Variants in TENM2 observed in about 807,000 individuals in gnomAD.
TENM2 encodes the protein teneurin transmembrane protein 2.
TENM2 carries 52 observed loss-of-function variants against 245.2 expected under a neutral mutation model. That is an observed-to-expected ratio of 0.21 (90% CI 0.17 to 0.27). TENM2 has a LOEUF of 0.27. TENM2 is among the 10% of genes least tolerant of loss of function. The pLI, the probability that TENM2 is intolerant of heterozygous loss-of-function variation, is 1.00. For missense variants in TENM2, 3,046 were observed against 3,666.8 expected (o/e 0.83, Z 4.37); for synonymous variants, 1,363 against 1,438.9 (o/e 0.95, Z 1.19).
chr5:167,227,926 C>T, the TENM2 span, among the ~76,000 whole-genome samples: 1 of 152,168 alleles, frequency 6.6e-6, no homozygotes, highest in Non-Finnish European at 1.5e-5. Flanking sequence ...CCATATGTCA[C>T]AAAATCTTTG....
chr5:167,924,358 G>A (rs563982185), intron 3 of TENM2, among the ~76,000 whole-genome samples: 12 of 152,338 alleles, frequency 7.9e-5, no homozygotes, highest in African/African-American at 2.9e-4. Context: ...ATTCAGGCGA[G>A]TCAATAGGAT....
intron 2 of TENM2, among the ~76,000 whole-genome samples, chr5:167,869,753 A>T (rs1308476827): frequency 6.6e-6 from 1 of 152,178 alleles, no homozygotes; most frequent in African/African-American, 2.4e-5. Flanking sequence ...AAAGCTGCAC[A>T]TGCAGAACTA....
At chr5:167,346,661 G>T (rs1758474005) in intron 1 of TENM2, among the ~76,000 whole-genome samples, 1 of 152,196 alleles carries the variant, frequency 6.6e-6, no homozygotes, top group African/African-American at 2.4e-5. Flanking sequence ...CAGTTTCATG[G>T]ATGCTGGCAG....
intron 2 of TENM2, among the ~76,000 whole-genome samples, chr5:167,470,476 T>TTTG (rs1766952080): frequency 6.9e-6 from 1 of 144,634 alleles, no homozygotes; most frequent in African/African-American, 2.5e-5. Context: ...TTTTTTTTTT[T>TTTG]GCTTATGGAA....
At position 167,827,480 on chromosome 5, in the gene TENM2, G is replaced by A. The variant is rs541786381; in HGVS notation, c.503-48506G>A. Among the ~76,000 whole-genome samples the A allele has an allele frequency of 2.1e-3, 314 of 152,034 alleles. 1 individual carries two copies. The highest frequency in any genetic ancestry group is 7.0e-3 in the African/African-American group (291 of 41,426). On this transcript the variant is annotated intron_variant, in intron 2 of 28. Coordinates refer to ENST00000518659, the Ensembl canonical transcript of TENM2. ...ATTCAGAACAGAGAATGTATTCTGG[G>A]TACTAAATTACCATAGGAATTAATG...
intron 3 of TENM2, among the ~76,000 whole-genome samples, chr5:167,885,407 C>T (rs913850265): frequency 1.3e-5 from 2 of 152,126 alleles, no homozygotes; most frequent in Non-Finnish European, 2.9e-5. Context: ...TGAAAAGCAG[C>T]TCTTGATTCT....
chr5:168,143,264 C>CTT (rs35494533), intron 12 of TENM2, among the ~76,000 whole-genome samples: 33 of 144,478 alleles, frequency 2.3e-4, no homozygotes, highest in East Asian at 8.0e-4. Context: ...AAGTCTTACT[C>CTT]TTTTTTTTTT....
the TENM2 span, among the ~76,000 whole-genome samples, chr5:167,206,764 C>T: frequency 6.6e-6 from 1 of 151,868 alleles, no homozygotes; most frequent in Non-Finnish European, 1.5e-5. Context: ...TAAATGTCTC[C>T]CATGTTTATC....
the TENM2 span, among the ~76,000 whole-genome samples, chr5:167,201,915 C>T: frequency 6.6e-6 from 1 of 152,112 alleles, no homozygotes; most frequent in Non-Finnish European, 1.5e-5. Flanking sequence ...CCTGGAGACC[C>T]TGCTTTCAGA....
chr5:168,091,732 C>G (rs1457397886), intron 8 of TENM2, among the ~76,000 whole-genome samples: 2 of 152,164 alleles, frequency 1.3e-5, no homozygotes, highest in Non-Finnish European at 2.9e-5. Flanking sequence ...TGTCCACTGC[C>G]CTTGTACAAC....
chr5:167,833,857 T>G (rs1320287166), intron 2 of TENM2, among the ~76,000 whole-genome samples: 1 of 152,214 alleles, frequency 6.6e-6, no homozygotes, highest in East Asian at 1.9e-4. Flanking sequence ...GATGATATTC[T>G]ACTTATGACC....
chr5:167,276,149 A>G, the TENM2 span, among the ~76,000 whole-genome samples: 1 of 151,856 alleles, frequency 6.6e-6, no homozygotes, highest in East Asian at 1.9e-4. Context: ...ATTGGTCTTT[A>G]GCTTTCTTTT....
At chr5:167,530,284 A>G (rs116311272) in intron 2 of TENM2, among the ~76,000 whole-genome samples, 2,628 of 152,332 alleles carry the variant, frequency 0.017, 94 homozygotes, top group African/African-American at 0.06. Flanking sequence ...GAAGGAATAC[A>G]GTTTTAAAAA....
intron 12 of TENM2, among the ~76,000 whole-genome samples, chr5:168,137,327 G>A (rs115343323): frequency 2.1e-3 from 326 of 152,314 alleles, no homozygotes; most frequent in African/African-American, 7.5e-3. Context: ...AGTGTGAATT[G>A]CATGTCATTA....
chr5:168,014,844 A>T (rs1013857075), intron 5 of TENM2, among the ~76,000 whole-genome samples: 1 of 152,126 alleles, frequency 6.6e-6, no homozygotes, highest in Non-Finnish European at 1.5e-5. Context: ...AGCCCCAGAG[A>T]TGAAGAAGGG....
intron 2 of TENM2, among the ~76,000 whole-genome samples, chr5:167,628,847 A>G (rs1448790936): frequency 6.6e-6 from 1 of 152,178 alleles, no homozygotes; most frequent in Non-Finnish European, 1.5e-5. Flanking sequence ...GCAGTTGACC[A>G]TTCATTCTTA....
chr5:167,929,300 A>G (rs533362576), intron 3 of TENM2, among the ~76,000 whole-genome samples: 1 of 152,226 alleles, frequency 6.6e-6, no homozygotes, highest in African/African-American at 2.4e-5. Context: ...GATGATTCCT[A>G]GACTGTTTAA....
chr5:167,763,291 C>G (rs963728778), intron 2 of TENM2, among the ~76,000 whole-genome samples: 1 of 152,142 alleles, frequency 6.6e-6, no homozygotes, highest in Non-Finnish European at 1.5e-5. Context: ...CCTATGTGGA[C>G]CATAGAGAGC....
At chr5:167,839,952 G>A (rs1016613306) in intron 2 of TENM2, among the ~76,000 whole-genome samples, 1 of 152,120 alleles carries the variant, frequency 6.6e-6, no homozygotes, top group Non-Finnish European at 1.5e-5. Context: ...CAAGTAGCTG[G>A]GATTACAGGC....
Sources: allele counts gnomAD v4.1 joint callset (sites outside exome capture counted in the v4.1 genomes callset), GRCh38; gene constraint gnomAD v4.1.1; transcripts MANE v1.5; gene names NCBI Gene and HGNC (gene_info 2026-07-23, HGNC 2026-07-21).